CRB1: variants seen among roughly 807,000 people sequenced by gnomAD.
CRB1 encodes the protein protein crumbs homolog 1.
CRB1 carries 83 observed loss-of-function variants against 120.0 expected under a neutral mutation model. The ratio of observed to expected loss-of-function variants is 0.69; its 90% CI spans 0.58 to 0.83. The LOEUF (loss-of-function observed/expected upper bound fraction) is 0.83. CRB1 is among the 40% of genes least tolerant of loss of function. The pLI, the probability that CRB1 is intolerant of heterozygous loss-of-function variation, is 0.00. For synonymous variants in CRB1, 625 were observed against 612.5 expected (o/e 1.02, Z -0.30); for missense variants, 1,699 against 1,687.6 (o/e 1.01, Z -0.12).
At position 197,366,248 on chromosome 1, in the gene CRB1, G is replaced by A. The variant is rs551939207; in HGVS notation, c.1171+9235G>A. 8.0e-4 allele frequency among the ~76,000 whole-genome samples: 121 copies of A among 151,634 alleles called. 1 individual carries two copies. Among genetic ancestry groups the A allele is most frequent in the African/African-American group, 2.4e-3 (100 of 41,336 alleles). On this transcript the variant is annotated intron_variant, in intron 5 of 11. Transcript: ENST00000367400. ...TCAACTTTATTTTTATTTGTTATAC[G>A]TCCATTTTATATTCTGCAGATAGAA...
intron 4 of CRB1, among the ~76,000 whole-genome samples, chr1:197,354,760 C>T (rs1377827678): frequency 2.2e-5 from 3 of 137,082 alleles, no homozygotes; most frequent in Non-Finnish European, 4.7e-5. Context: ...AACATGACCT[C>T]AGCACGTTGC....
chr1:197,370,702 A>G (rs1195284182), intron 5 of CRB1, among the ~76,000 whole-genome samples: 5 of 152,320 alleles, frequency 3.3e-5, no homozygotes, highest in Non-Finnish European at 5.9e-5. Flanking sequence ...TTAAATGCCT[A>G]CATCAAAAAC....
the CRB1 span, among the ~76,000 whole-genome samples, chr1:197,202,053 G>T: frequency 6.6e-6 from 1 of 152,126 alleles, no homozygotes; most frequent in Admixed American, 6.5e-5. Context: ...ATTATGAAGC[G>T]CAAGGTCCTA....
At position 197,421,883 on chromosome 1, in the gene CRB1, A is replaced by T; in HGVS notation, c.2055A>T (p.Gly685=). The T allele has an allele frequency of 6.2e-7, 1 of 1,614,218 alleles. No homozygotes were observed. Among genetic ancestry groups the T allele is most frequent in the Non-Finnish European group, 8.5e-7 (1 of 1,180,040 alleles). Reference sequence around the variant, plus strand: ...AAAGCCAACCTTGTCAAAGCAGAGGACGCTGCATCAACTTGTGGCTGAGTT... The same window carrying T: ...AAAGCCAACCTTGTCAAAGCAGAGGTCGCTGCATCAACTTGTGGCTGAGTT... ...WCESQPCQSR[G]RCINLWLSYQ... Residue 685 remains glycine, a synonymous_variant, in exon 6 of 12, where the codon GGA becomes GGT. Coordinates refer to ENST00000367400, the MANE Select transcript of CRB1 (RefSeq NM_201253.3).
chr1:197,455,071 G>A (rs1666209790), intron 11 of CRB1, among the ~76,000 whole-genome samples: 1 of 152,020 alleles, frequency 6.6e-6, no homozygotes, highest in Admixed American at 6.6e-5. Context: ...GTCCAATTTG[G>A]AGCATTTTCA....
intron 5 of CRB1, among the ~76,000 whole-genome samples, chr1:197,370,637 C>T (rs529440471): frequency 2.0e-5 from 3 of 152,170 alleles, no homozygotes; most frequent in East Asian, 3.9e-4. Context: ...GTGACATAAC[C>T]TATCAAAACC....
At chr1:197,303,336 T>A (rs1486967677) in intron 1 of CRB1, among the ~76,000 whole-genome samples, 14 of 130,372 alleles carry the variant, frequency 1.1e-4, no homozygotes, top group Non-Finnish European at 1.7e-4. Context: ...CCTGTGTCCA[T>A]GTGTTCTCAT....
intron 1 of CRB1, among the ~76,000 whole-genome samples, chr1:197,323,879 C>T (rs1658345248): frequency 6.6e-6 from 1 of 152,030 alleles, no homozygotes; most frequent in African/African-American, 2.4e-5. Context: ...CATGGGGATG[C>T]TTTGAGAGAA....
chr1:197,342,736 T>C (rs1196209021), intron 2 of CRB1, among the ~76,000 whole-genome samples: 1 of 152,188 alleles, frequency 6.6e-6, no homozygotes, highest in African/African-American at 2.4e-5. Flanking sequence ...TTATTCTACC[T>C]ACCCTGAAGA....
chr1:197,342,282 T>C (rs1043732490), intron 2 of CRB1, among the ~76,000 whole-genome samples: 10 of 152,204 alleles, frequency 6.6e-5, no homozygotes, highest in Admixed American at 5.9e-4. Context: ...GCAGAACCTC[T>C]GTCGCCTGGC....
intron 11 of CRB1, among the ~76,000 whole-genome samples, chr1:197,475,564 C>G (rs558537506): frequency 5.3e-5 from 8 of 152,314 alleles, no homozygotes; most frequent in African/African-American, 1.9e-4. Context: ...CCCACCTACA[C>G]TATCTCCCAT....
chr1:197,222,333 A>G, the CRB1 span: 32 of 732,554 alleles, frequency 4.4e-5, no homozygotes, highest in African/African-American at 5.4e-4. Context: ...GGGAGAGTGA[A>G]TCCCAGACGT....
the CRB1 span, among the ~76,000 whole-genome samples, chr1:197,224,862 A>C: frequency 6.6e-6 from 1 of 151,160 alleles, no homozygotes; most frequent in Non-Finnish European, 1.5e-5. Flanking sequence ...TGAAATGTAA[A>C]TTAAATAAGC....
intron 11 of CRB1, among the ~76,000 whole-genome samples, chr1:197,473,943 A>G (rs1667095462): frequency 6.6e-6 from 1 of 152,172 alleles, no homozygotes; most frequent in Non-Finnish European, 1.5e-5. Flanking sequence ...AGTTCACTCT[A>G]AAGCTTAATG....
At chr1:197,453,543 GAGAGAGAC>G (rs150881761) in intron 11 of CRB1, among the ~76,000 whole-genome samples, 6 of 111,050 alleles carry the variant, frequency 5.4e-5, no homozygotes, top group East Asian at 2.5e-4. Context: ...TATATATAGA[GAGAGAGAC>G]AGAGAGAGAG....
chr1:197,351,991 T>C (rs1660138222), intron 4 of CRB1, among the ~76,000 whole-genome samples: 1 of 152,304 alleles, frequency 6.6e-6, no homozygotes, highest in Non-Finnish European at 1.5e-5. Context: ...CAGAACACAA[T>C]GGCAAGAATC....
rs75473304 is a variant in CRB1, at chr1:197,299,957, T to G, written c.71-28465T>G. Among the ~76,000 whole-genome samples, 113 of 152,014 alleles carry G rather than the reference T, an allele frequency of 7.4e-4. 1 individual carries two copies. In the East Asian group the frequency reaches 0.022, roughly 29 times the overall value. On this transcript the variant is annotated intron_variant, in intron 1 of 11. Transcript: ENST00000367400. Reference sequence around the variant, plus strand: ...CAAACTTTTTCAGTATTTTGTTACATGTGTTAGGGTAATCTGTGATCAATG... The same window carrying G: ...CAAACTTTTTCAGTATTTTGTTACAGGTGTTAGGGTAATCTGTGATCAATG...
chr1:197,247,736 A>G, the CRB1 span, among the ~76,000 whole-genome samples: 1 of 152,086 alleles, frequency 6.6e-6, no homozygotes, highest in African/African-American at 2.4e-5. Flanking sequence ...CATTGCTTCC[A>G]GGAGTTCCCC....
rs747700125 is a variant in CRB1 at position 197,427,538 on chromosome 1, G to T, written c.2213G>T (p.Ser738Ile). 2 of 1,613,732 alleles carry T rather than the reference G, an allele frequency of 1.2e-6. No homozygotes were observed. The highest frequency in any genetic ancestry group is 2.7e-5 in the African/African-American group (2 of 74,858). The change falls in exon 7 of 12, where the codon AGC (serine) becomes ATC (isoleucine). Residue 738 changes from serine to isoleucine, a missense_variant. Ser to Ile is a moderately radical substitution (Grantham distance 142, BLOSUM62 -2). Coordinates refer to ENST00000367400, the MANE Select transcript of CRB1 (RefSeq NM_201253.3). ...GATGAGAGCTATGGAGACACCATCA[G>T]CCTCTCCATGTTTGTCCGAACGCTT... ...TLDESYGDTI[S>I]LSMFVRTLQP... is the part of the protein sequence containing the mutation.
Sources: gnomAD v4.1 joint callset for allele counts (sites outside exome capture counted in the v4.1 genomes callset) on GRCh38, gnomAD v4.1.1 for gene constraint, MANE v1.5 for transcripts, NCBI Gene and HGNC (gene_info 2026-07-23, HGNC 2026-07-21) for gene names.